Variants in GUCA2A observed in about 807,000 individuals in gnomAD.
GUCA2A encodes guanylate cyclase activator 2A.
Under a neutral mutation model 11.2 loss-of-function variants are expected in GUCA2A, and 17 were observed. The observed-to-expected ratio is 1.52, with a 90% CI of 1.04 to 2.28. GUCA2A has a LOEUF of 2.28. GUCA2A is among the 30% of genes most tolerant of loss of function. The pLI is 0.00. For synonymous variants in GUCA2A, 64 were observed against 57.1 expected, an observed-to-expected ratio of 1.12 and a Z score of -0.54; for missense variants, 173 against 139.3, an observed-to-expected ratio of 1.24 and a Z score of -1.22.
At chr1:42,164,186 G>T (rs1205594436) in intron 1 of GUCA2A, among the ~76,000 whole-genome samples, 2 of 152,258 alleles carry the variant, frequency 1.3e-5, no homozygotes, top group African/African-American at 4.8e-5. Context: ...TGTCCATGTG[G>T]TTCCTGGGAC....
chr1:42,163,683 C>G, intron 1 of GUCA2A, 73 bp from the exon 2 acceptor site: 1 of 1,001,984 alleles, frequency 1.0e-6, no homozygotes, highest in Non-Finnish European at 1.5e-6. Context: ...GTGCTGGCCC[C>G]GGTCCAGCCC....
At chr1:42,163,350 G>A in intron 2 of GUCA2A, 53 bp downstream of exon 2, 1 of 1,152,766 alleles carries the variant, frequency 8.7e-7, no homozygotes, top group Non-Finnish European at 1.3e-6. Flanking sequence ...TTCCTCAAGT[G>A]CCACCACAGT....
chr1:42,163,111 C>A, intron 2 of GUCA2A, 141 bp from the exon 3 acceptor site: 1 of 704,304 alleles, frequency 1.4e-6, no homozygotes. Flanking sequence ...GGGCTTTTCG[C>A]CCCAAACCAG....
chr1:42,163,157 G>C (rs1646136995), intron 2 of GUCA2A, among the ~76,000 whole-genome samples, 187 bp from the exon 3 acceptor site: 3 of 152,128 alleles, frequency 2.0e-5, no homozygotes, highest in Admixed American at 6.5e-5. Context: ...AATCAAAGCA[G>C]AGATTCCACC....
chr1:42,164,667 C>T lies in GUCA2A; in HGVS notation c.46G>A (p.Ala16Thr), dbSNP rs747830228. The change falls in exon 1 of 3, where the codon GCC becomes ACC. Residue 16 changes from alanine (A) to threonine (T), a missense_variant. Ala to Thr is a moderately conservative substitution (Grantham distance 58). Coordinates refer to ENST00000357001, the MANE Select transcript of GUCA2A (RefSeq NM_033553.3). ...LSALCLLGAW[A>T]ALAGGVTVQD... ...ACGGTGACCCCTCCTGCCAAGGCGG[C>T]CCAGGCCCCAAGGAGGCACAGTGCG... 2.3e-5 allele frequency: 36 copies of T among 1,550,806 alleles called. No homozygotes were observed. In the Admixed American group the frequency reaches 5.9e-4, roughly 25 times the overall value.
At position 42,163,016 on chromosome 1, in the gene GUCA2A, G is replaced by C. The variant is rs747191669; in HGVS notation, c.284-46C>G. 6.7e-6 allele frequency: 10 copies of C among 1,491,504 alleles called. No individual in the cohort carries two copies. The African/African-American group carries it at 1.1e-4, about 17-fold the overall frequency. The allele number at this position is 1,491,504 out of a possible 1,614,324, so 92.4% of individuals were successfully genotyped here. Reference sequence around the variant, plus strand: ...CTCGTGAGAACCAGCATTTCCTCGCGAGGCCCCTGCCGCCCTTGGCCCAGA... The same window carrying C: ...CTCGTGAGAACCAGCATTTCCTCGCCAGGCCCCTGCCGCCCTTGGCCCAGA... On this transcript the variant is annotated intron_variant, in intron 2 of 2. Transcript: ENST00000357001.
At chr1:42,164,593 A>AG in intron 1 of GUCA2A, 45 bp downstream of exon 1, 5 of 1,135,820 alleles carry the variant, frequency 4.4e-6, no homozygotes, top group Non-Finnish European at 6.5e-6. Context: ...CCTGGGCACT[A>AG]GGGGCAGGGA....
chr1:42,164,346 C>G (rs1373195151), intron 1 of GUCA2A, among the ~76,000 whole-genome samples: 1 of 152,210 alleles, frequency 6.6e-6, no homozygotes, highest in African/African-American at 2.4e-5. Flanking sequence ...GATAGTGGAG[C>G]CACAGTGAGG....
chr1:42,164,634 T>C lies in GUCA2A; in HGVS notation c.75+4A>G. The stretch of plus-strand genomic sequence containing the variant: ...CTGGGCCGGGGTAGGGACACAGGAC[T>C]CACCTGCACGGTGACCCCTCCTGCC... On this transcript the variant is annotated splice_donor_region_variant and intron_variant, in intron 1 of 2. Transcript: ENST00000357001. 11 of 1,536,142 alleles carry C rather than the reference T, an allele frequency of 7.2e-6. No individual in the cohort carries two copies. The highest frequency in any genetic ancestry group is 9.7e-6 in the Non-Finnish European group (11 of 1,133,824).
At chr1:42,163,754 T>C in intron 1 of GUCA2A, 144 bp from the exon 2 acceptor site, 1 of 619,714 alleles carries the variant, frequency 1.6e-6, no homozygotes, top group South Asian at 2.0e-5. Context: ...AGTGGGGCAC[T>C]GTGAGGGGCA....
At chr1:42,163,689 AG>A (rs1159760052) in intron 1 of GUCA2A, 79 bp from the exon 2 acceptor site, 3 of 921,398 alleles carry the variant, frequency 3.3e-6, no homozygotes, top group Non-Finnish European at 5.0e-6. Flanking sequence ...GCCCCGGTCC[AG>A]CCCAGTGGTG....
At chr1:42,163,309 C>T in intron 2 of GUCA2A, 94 bp downstream of exon 2, 1 of 821,692 alleles carries the variant, frequency 1.2e-6, no homozygotes, top group Non-Finnish European at 2.0e-6. Context: ...CTGAGCCCTT[C>T]CTCCAAATCC....
In GUCA2A at chr1:42,163,455, T is replaced by G; in HGVS notation, c.231A>C (p.Glu77Asp). Residue 77 changes from glutamate to aspartate, a missense_variant, in exon 2 of 3, where the codon GAA (glutamate) becomes GAC (aspartate). By Grantham distance (45) the Glu-to-Asp change is conservative. Transcript: ENST00000357001. ...ILCSNPNFPE[E>D]LKPLCKEPNA... ...TGGGCTCCTTGCAGAGAGGCTTGAGTTCTTCTGGAAAGTTCGGGTTGCTAC... is the reference window on the plus strand; with the variant it reads ...TGGGCTCCTTGCAGAGAGGCTTGAGGTCTTCTGGAAAGTTCGGGTTGCTAC... The G allele has an allele frequency of 6.2e-7, 1 of 1,613,686 alleles. No homozygotes were observed. Among genetic ancestry groups the G allele is most frequent in the East Asian group, 2.2e-5 (1 of 44,848 alleles).
chr1:42,162,706 T>G lies in GUCA2A; in HGVS notation c.*200A>C. 1 of 592,920 alleles carries G rather than the reference T, an allele frequency of 1.7e-6. No individual in the cohort carries two copies. Among genetic ancestry groups the G allele is most frequent in the South Asian group, 2.0e-5 (1 of 50,542 alleles). The allele number at this position is 592,920 out of a possible 1,614,324, so 36.7% of individuals were successfully genotyped here. A position where few individuals can be genotyped will look rare whatever the true frequency, so the allele number is the denominator to read the frequency against. On this transcript the variant is annotated 3_prime_UTR_variant, in exon 3 of 3. Coordinates refer to ENST00000357001, the MANE Select transcript of GUCA2A (RefSeq NM_033553.3). The stretch of plus-strand genomic sequence containing the variant: ...CACCCAGAGTACTCTGGAATCTGGT[T>G]TATTAGCTGGGGGTTGAAGTGGCAG...
intron 1 of GUCA2A, 22 bp downstream of exon 1, chr1:42,164,615 CG>C: frequency 6.8e-7 from 1 of 1,467,556 alleles, no homozygotes; most frequent in Non-Finnish European, 9.3e-7. Context: ...CCAGCTGGGC[CG>C]GGGTAGGGAC....
chr1:42,163,036 C>G, intron 2 of GUCA2A, 66 bp from the exon 3 acceptor site: 1 of 1,306,144 alleles, frequency 7.7e-7, no homozygotes, highest in East Asian at 2.3e-5. Flanking sequence ...CCGCCCTTGG[C>G]CCAGAGCTTG....
Position 42,163,426 on chromosome 1 carries a change from G to A in GUCA2A, c.260C>T (p.Ala87Val). 1 of 1,612,612 alleles carries A rather than the reference G, an allele frequency of 6.2e-7. No homozygotes were observed. The highest frequency in any genetic ancestry group is 8.5e-7 in the Non-Finnish European group (1 of 1,178,662). The change falls in exon 2 of 3, where the codon GCC (alanine) becomes GTC (valine). Residue 87 changes from alanine (A) to valine (V), a missense_variant. Ala to Val is a moderately conservative substitution (Grantham distance 64). Coordinates refer to ENST00000357001, the MANE Select transcript of GUCA2A (RefSeq NM_033553.3). Reference protein sequence around the residue: ...ELKPLCKEPNAQEILQRLEEI... With the variant: ...ELKPLCKEPNVQEILQRLEEI... The stretch of plus-strand genomic sequence containing the variant: ...ACCCAGCCTCTGAAGTATCTCCTGG[G>A]CATTGGGCTCCTTGCAGAGAGGCTT...
intron 2 of GUCA2A, 109 bp from the exon 3 acceptor site, chr1:42,163,079 C>A (rs1646136705): frequency 2.3e-6 from 2 of 859,968 alleles, no homozygotes; most frequent in Admixed American, 2.0e-5. Context: ...AGAATCTCAG[C>A]AGGCCCGTAC....
Position 42,162,792 on chromosome 1 carries a change from C to T in GUCA2A, c.*114G>A. The T allele has an allele frequency of 3.5e-6, 3 of 853,762 alleles. No homozygotes were observed. The highest frequency in any genetic ancestry group is 1.7e-5 in the African/African-American group (1 of 60,460). The allele number at this position is 853,762 out of a possible 1,614,324, so 52.9% of individuals were successfully genotyped here. On this transcript the variant is annotated 3_prime_UTR_variant, in exon 3 of 3. Coordinates refer to ENST00000357001, the MANE Select transcript of GUCA2A (RefSeq NM_033553.3). ...CAGTTCCTCCCCGGGCTGCTCCTCC[C>T]GACTGGACCAGGGTAGGTTGAGCTG...
Sources: allele counts gnomAD v4.1 joint callset (sites outside exome capture counted in the v4.1 genomes callset), GRCh38; gene constraint gnomAD v4.1.1; transcripts MANE v1.5; gene names NCBI Gene and HGNC (gene_info 2026-07-23, HGNC 2026-07-21).